USP10: variants seen among roughly 807,000 people sequenced by gnomAD.
USP10 encodes ubiquitin carboxyl-terminal hydrolase 10.
Under a neutral mutation model 84.5 loss-of-function variants are expected in USP10, and 22 were observed. That is an observed-to-expected ratio of 0.26 (90% CI 0.19 to 0.37). USP10 has a LOEUF of 0.37. USP10 is among the 10% of genes least tolerant of loss of function. The pLI is 1.00. For synonymous variants in USP10, 454 were observed against 387.6 expected (o/e 1.17, Z -2.01); for missense variants, 1,019 against 998.9 (o/e 1.02, Z -0.27).
chr16:84,730,519 A>G (rs971875771), intron 1 of USP10, among the ~76,000 whole-genome samples: 2 of 152,222 alleles, frequency 1.3e-5, no homozygotes, highest in African/African-American at 4.8e-5. Flanking sequence ...TGAAAATAAT[A>G]GGAGAAAAAA....
intron 9 of USP10, 108 bp downstream of exon 9, chr16:84,763,196 A>G: frequency 1.7e-6 from 1 of 595,534 alleles, no homozygotes; most frequent in South Asian, 2.7e-5. Flanking sequence ...TTTTCCTTTC[A>G]AATAGCATTT....
chr16:84,769,130 G>A (rs1464578448), intron 11 of USP10, among the ~76,000 whole-genome samples: 1 of 152,162 alleles, frequency 6.6e-6, no homozygotes, highest in Non-Finnish European at 1.5e-5. Flanking sequence ...AATTATGGAC[G>A]GTCCATAGCA....
At chr16:84,717,478 T>C (rs958523850) in intron 1 of USP10, among the ~76,000 whole-genome samples, 4 of 152,228 alleles carry the variant, frequency 2.6e-5, no homozygotes, top group African/African-American at 9.7e-5. Context: ...TTAAACATTT[T>C]AAACTGCTTT....
intron 2 of USP10, among the ~76,000 whole-genome samples, chr16:84,739,616 T>A (rs1229211155): frequency 6.6e-6 from 1 of 152,204 alleles, no homozygotes; most frequent in Non-Finnish European, 1.5e-5. Flanking sequence ...TTGGAAGCAT[T>A]TCCAACTCTT....
chr16:84,732,052 A>G (rs1909304715), intron 1 of USP10, among the ~76,000 whole-genome samples: 1 of 152,218 alleles, frequency 6.6e-6, no homozygotes, highest in Middle Eastern at 3.2e-3. Context: ...TAAATATTAT[A>G]TGAAAACTTT....
intron 1 of USP10, chr16:84,732,718 G>A (rs1311476537): frequency 6.6e-6 from 2 of 300,770 alleles, no homozygotes; most frequent in Non-Finnish European, 1.3e-5. Context: ...AGAGTGCTGG[G>A]ATTATAGGCG....
intron 4 of USP10, among the ~76,000 whole-genome samples, chr16:84,756,183 G>T (rs570993485): frequency 7.3e-4 from 111 of 151,324 alleles, no homozygotes; most frequent in African/African-American, 2.6e-3. Context: ...TCACTGGTCT[G>T]CGAGCTTGCC....
At chr16:84,721,047 C>T (rs1014258670) in intron 1 of USP10, among the ~76,000 whole-genome samples, 1 of 151,914 alleles carries the variant, frequency 6.6e-6, no homozygotes, top group Admixed American at 6.6e-5. Flanking sequence ...GTGCCCGCCA[C>T]CATGCCTGAC....
chr16:84,719,447 G>T (rs1406698566), intron 1 of USP10, among the ~76,000 whole-genome samples: 1 of 152,168 alleles, frequency 6.6e-6, no homozygotes, highest in Admixed American at 6.5e-5. Flanking sequence ...TGCTAAATGA[G>T]GCCTGGACTC....
chr16:84,770,877 C>G (rs1298980081), intron 11 of USP10, among the ~76,000 whole-genome samples: 1 of 151,714 alleles, frequency 6.6e-6, no homozygotes, highest in Non-Finnish European at 1.5e-5. Context: ...ACCATCCTGG[C>G]CAACATGTTG....
Position 84,731,180 on chromosome 16 carries a change from CG to C in USP10, c.22-2254del, listed in dbSNP as rs1376790692. Among the ~76,000 whole-genome samples the C allele has an allele frequency of 4.6e-5, 7 of 151,768 alleles. No homozygotes were observed. The East Asian group carries it at 1.4e-3, about 29-fold the overall frequency. On this transcript the variant is annotated intron_variant, in intron 1 of 13. Transcript: ENST00000219473. ...ATTTTTAGTAGAGACGGGGTTTCAC[CG>C]TGTTAGCCAGGATGGTCTCGATCTT...
At position 84,732,159 on chromosome 16, in the gene USP10, T is replaced by G. The variant is rs191313658; in HGVS notation, c.22-1276T>G. ...CATTCTTACCAGGAGGGTATTACAT[T>G]TAGTGGCCATTTATTCACATTTACA... On this transcript the variant is annotated intron_variant, in intron 1 of 13. Transcript: ENST00000219473. Among the ~76,000 whole-genome samples the G allele has an allele frequency of 1.0e-3, 157 of 152,332 alleles. 1 individual carries two copies. Among genetic ancestry groups the G allele is most frequent in the African/African-American group, 3.3e-3 (139 of 41,572 alleles).
intron 1 of USP10, among the ~76,000 whole-genome samples, chr16:84,714,653 G>A (rs73243932): frequency 9.0e-4 from 136 of 151,922 alleles, no homozygotes; most frequent in African/African-American, 3.1e-3. Flanking sequence ...TGTTTGGCAG[G>A]TTTTTTTGGT....
At chr16:84,716,697 A>G (rs1907059420) in intron 1 of USP10, among the ~76,000 whole-genome samples, 1 of 152,196 alleles carries the variant, frequency 6.6e-6, no homozygotes. Flanking sequence ...GAATAAATGC[A>G]GAGTTACTGG....
chr16:84,757,894 C>G (rs1047999738), intron 4 of USP10, among the ~76,000 whole-genome samples: 1 of 152,182 alleles, frequency 6.6e-6, no homozygotes, highest in Admixed American at 6.5e-5. Context: ...AGCCAATTAA[C>G]ATTTGTCAAT....
intron 1 of USP10, among the ~76,000 whole-genome samples, chr16:84,714,972 C>T (rs1906821131): frequency 6.6e-6 from 1 of 150,488 alleles, no homozygotes; most frequent in African/African-American, 2.4e-5. Flanking sequence ...CTCTGTCGCC[C>T]AGGCTGGAGT....
intron 1 of USP10, among the ~76,000 whole-genome samples, chr16:84,729,434 T>G (rs1028323996): frequency 5.9e-5 from 9 of 152,198 alleles, no homozygotes; most frequent in African/African-American, 2.2e-4. Flanking sequence ...CCTTTATATG[T>G]GGTTATTGGG....
chr16:84,749,936 G>A (rs1291026023), intron 4 of USP10, among the ~76,000 whole-genome samples: 1 of 152,168 alleles, frequency 6.6e-6, no homozygotes, highest in Non-Finnish European at 1.5e-5. Flanking sequence ...TTTGAAAGGA[G>A]AAGGACACGC....
At chr16:84,763,770 G>A (rs924906043) in intron 9 of USP10, among the ~76,000 whole-genome samples, 6 of 151,790 alleles carry the variant, frequency 4.0e-5, no homozygotes, top group Admixed American at 2.6e-4. Context: ...ATTGGTTGCC[G>A]TGGATCCAGT....
Sources: gnomAD v4.1 joint callset for allele counts (sites outside exome capture counted in the v4.1 genomes callset) on GRCh38, gnomAD v4.1.1 for gene constraint, MANE v1.5 for transcripts, NCBI Gene and HGNC (gene_info 2026-07-23, HGNC 2026-07-21) for gene names.